Variants in ASIC2 observed in about 807,000 individuals in gnomAD.
ASIC2 encodes the protein acid-sensing ion channel 2.
A neutral mutation model predicts 57.3 loss-of-function variants in ASIC2; 25 were observed. The observed-to-expected ratio is 0.44, with a 90% CI of 0.32 to 0.61. The LOEUF is 0.61. Ranked by LOEUF, ASIC2 falls within the 20% of genes least tolerant of loss-of-function variation. The pLI, the probability that ASIC2 is intolerant of heterozygous loss-of-function variation, is 0.06. For missense variants in ASIC2, 641 were observed against 738.1 expected, an observed-to-expected ratio of 0.87 and a Z score of 1.52; for synonymous variants, 319 against 307.5, an observed-to-expected ratio of 1.04 and a Z score of -0.39.
chr17:33,673,319 A>G (rs2142052556), intron 1 of ASIC2, among the ~76,000 whole-genome samples: 1 of 152,340 alleles, frequency 6.6e-6, no homozygotes, highest in Admixed American at 6.5e-5. Flanking sequence ...CCCAGGTGCC[A>G]GGGCAAAGGG....
At chr17:33,473,103 C>T (rs17249507) in intron 1 of ASIC2, among the ~76,000 whole-genome samples, 29,174 of 152,184 alleles carry the variant, frequency 0.19, 3,020 homozygotes, top group Middle Eastern at 0.24. Flanking sequence ...TACTTTGGCT[C>T]CTGCTGGCTT....
chr17:33,737,368 C>T (rs1442727534), intron 1 of ASIC2, among the ~76,000 whole-genome samples: 1 of 152,264 alleles, frequency 6.6e-6, no homozygotes, highest in Non-Finnish European at 1.5e-5. Context: ...CATGCTGTGA[C>T]TCCCTAAATA....
chr17:33,598,997 A>G lies in ASIC2; in HGVS notation c.556-486930T>C, dbSNP rs182610703. Among the ~76,000 whole-genome samples, 1,117 of 152,324 alleles carry G rather than the reference A, an allele frequency of 7.3e-3. 53 individuals carry two copies. The highest frequency in any genetic ancestry group is 0.067 in the Admixed American group (1,032 of 15,302). ...TGTGAGTGTGCATGCACCTTACGCA[A>G]TCAACAAAGGGCTGCGCCTGTATGC... On this transcript the variant is annotated intron_variant, in intron 1 of 9. Transcript: ENST00000359872.
chr17:33,292,208 GCAGCCGCGCGCAGCCCGCGC>G lies in ASIC2; in HGVS notation c.-113_-94del. The G allele has an allele frequency of 1.0e-6, 1 of 1,002,958 alleles. No homozygotes were observed. The highest frequency in any genetic ancestry group is 1.2e-6 in the Non-Finnish European group (1 of 843,470). 62.1% of individuals were successfully genotyped at this position (1,002,958 alleles called of 1,614,324 possible). ...AGCAGCAGTGGAAGCAGCAGCAGCG[GCAGCCGCGCGCAGCCCGCGC>G]CAGGGAAGCGTGCGCCCGAAAGGAG... On this transcript the variant is annotated 5_prime_UTR_variant, in exon 1 of 10. An upstream open reading frame in the 5' UTR gains an earlier in-frame stop. Coordinates refer to ENST00000225823, the MANE Select transcript of ASIC2 (RefSeq NM_183377.2).
intron 1 of ASIC2, among the ~76,000 whole-genome samples, chr17:33,415,531 T>TGAGAGAGAGA (rs35030035): frequency 6.6e-6 from 1 of 151,452 alleles, no homozygotes; most frequent in Non-Finnish European, 1.5e-5. Flanking sequence ...TGGATTTTTC[T>TGAGAGAGAGA]GAGAGAGAGA....
intron 1 of ASIC2, among the ~76,000 whole-genome samples, chr17:33,232,616 G>A (rs577492915): frequency 1.3e-5 from 2 of 152,110 alleles, no homozygotes; most frequent in Non-Finnish European, 2.9e-5. Flanking sequence ...CTACAACTTC[G>A]GGCTGCAAAT....
intron 1 of ASIC2, among the ~76,000 whole-genome samples, chr17:33,962,844 C>A (rs1283895094): frequency 1.3e-5 from 2 of 152,160 alleles, no homozygotes; most frequent in East Asian, 1.9e-4. Flanking sequence ...TGTCTCCCAG[C>A]CCAAACTAAT....
At chr17:33,768,555 A>G (rs1350465162) in intron 1 of ASIC2, among the ~76,000 whole-genome samples, 1 of 152,182 alleles carries the variant, frequency 6.6e-6, no homozygotes, top group African/African-American at 2.4e-5. Flanking sequence ...AATATCATGT[A>G]CTGAAATTAA....
intron 3 of ASIC2, among the ~76,000 whole-genome samples, chr17:33,081,947 T>C (rs1328984473): frequency 1.3e-5 from 2 of 152,196 alleles, no homozygotes; most frequent in African/African-American, 4.8e-5. Context: ...TATTGTAGTC[T>C]AAACAGGCTA....
chr17:33,972,498 G>C (rs1257645590), intron 1 of ASIC2, among the ~76,000 whole-genome samples: 1 of 152,202 alleles, frequency 6.6e-6, no homozygotes, highest in African/African-American at 2.4e-5. Context: ...GACTGGTCCA[G>C]CTATGTGGTT....
intron 3 of ASIC2, among the ~76,000 whole-genome samples, chr17:33,034,597 G>A (rs1356231027): frequency 6.6e-6 from 1 of 152,174 alleles, no homozygotes; most frequent in Non-Finnish European, 1.5e-5. Flanking sequence ...GCTGTAGATA[G>A]AATTCTAGGT....
intron 1 of ASIC2, among the ~76,000 whole-genome samples, chr17:33,401,384 G>A (rs866586633): frequency 2.0e-5 from 3 of 152,040 alleles, no homozygotes; most frequent in Admixed American, 6.5e-5. Flanking sequence ...TGCCATTGTA[G>A]TGTTAACCTC....
intron 1 of ASIC2, among the ~76,000 whole-genome samples, chr17:33,694,184 T>C (rs73280971): frequency 0.025 from 3,791 of 152,230 alleles, 142 homozygotes; most frequent in African/African-American, 0.087. Context: ...TCATCTGAAG[T>C]CCCAGCCAAG....
intron 3 of ASIC2, among the ~76,000 whole-genome samples, chr17:33,028,628 C>A (rs921984281): frequency 2.6e-5 from 4 of 152,172 alleles, no homozygotes; most frequent in Non-Finnish European, 1.5e-5. Context: ...TCAAGCGATC[C>A]TCCTGTCTCG....
At chr17:33,466,593 C>T (rs543100850) in intron 1 of ASIC2, among the ~76,000 whole-genome samples, 72 of 152,284 alleles carry the variant, frequency 4.7e-4, no homozygotes, top group African/African-American at 1.7e-3. Flanking sequence ...TGACTTGAAA[C>T]TATACTACAA....
chr17:34,039,595 C>G, intron 1 of ASIC2: 4 of 1,613,864 alleles, frequency 2.5e-6, no homozygotes, highest in Non-Finnish European at 3.4e-6. Flanking sequence ...CGGCCCGCTT[C>G]CCCCAGCAAA....
chr17:33,548,074 T>C (rs1258303864), intron 1 of ASIC2, among the ~76,000 whole-genome samples: 1 of 152,132 alleles, frequency 6.6e-6, no homozygotes, highest in Non-Finnish European at 1.5e-5. Context: ...GTGTGATAAT[T>C]ATATATTAAA....
In ASIC2 at chr17:33,506,278, T is replaced by C. The variant is rs1597755812; in HGVS notation, c.556-394211A>G. On this transcript the variant is annotated intron_variant, in intron 1 of 9. Coordinates refer to the ASIC2 transcript ENST00000359872. Reference sequence around the variant, plus strand: ...AAAAGAAAAAATTAGCTGGGTGTGGTGGCGGGCGCCTGTAGTCCCAGCTAC... The same window carrying C: ...AAAAGAAAAAATTAGCTGGGTGTGGCGGCGGGCGCCTGTAGTCCCAGCTAC... 2.0e-5 allele frequency among the ~76,000 whole-genome samples: 3 copies of C among 148,752 alleles called. No homozygotes were observed. In the South Asian group the frequency reaches 6.4e-4, roughly 32 times the overall value.
At chr17:33,089,651 C>T (rs1234883295) in intron 2 of ASIC2, among the ~76,000 whole-genome samples, 1 of 152,198 alleles carries the variant, frequency 6.6e-6, no homozygotes, top group African/African-American at 2.4e-5. Context: ...AGTCAAACTC[C>T]TTTATTTTAT....
Sources: allele counts gnomAD v4.1 joint callset (sites outside exome capture counted in the v4.1 genomes callset), GRCh38; gene constraint gnomAD v4.1.1; transcripts MANE v1.5; gene names NCBI Gene and HGNC (gene_info 2026-07-23, HGNC 2026-07-21).